Variants in SPIDR observed in about 807,000 individuals in gnomAD.
The protein encoded by SPIDR is scaffold protein involved in DNA repair.
SPIDR carries 93 observed loss-of-function variants against 104.6 expected under a neutral mutation model. That is an observed-to-expected ratio of 0.89 (90% CI 0.75 to 1.06). SPIDR has a LOEUF of 1.06. SPIDR is among the 50% of genes least tolerant of loss of function. The pLI is 0.00. For synonymous variants in SPIDR, 431 were observed against 416.9 expected (o/e 1.03, Z -0.41); for missense variants, 1,154 against 1,111.2 (o/e 1.04, Z -0.55).
At chr8:47,621,634 C>A (rs569365574) in intron 10 of SPIDR, among the ~76,000 whole-genome samples, 1 of 152,242 alleles carries the variant, frequency 6.6e-6, no homozygotes, top group South Asian at 2.1e-4. Flanking sequence ...GAATACAGGG[C>A]CCCCATAAAT....
At chr8:47,371,313 A>C (rs1014157330) in intron 5 of SPIDR, among the ~76,000 whole-genome samples, 1 of 152,182 alleles carries the variant, frequency 6.6e-6, no homozygotes, top group East Asian at 1.9e-4. Flanking sequence ...GAGCATGGAC[A>C]ACCTGGGCTC....
chr8:47,346,724 C>T (rs1243343429), intron 5 of SPIDR, among the ~76,000 whole-genome samples: 1 of 152,170 alleles, frequency 6.6e-6, no homozygotes, highest in East Asian at 1.9e-4. Context: ...CCCATTTCTT[C>T]TAGATTTTCT....
At chr8:47,635,466 T>C (rs940739417) in intron 10 of SPIDR, among the ~76,000 whole-genome samples, 2 of 152,238 alleles carry the variant, frequency 1.3e-5, no homozygotes, top group Admixed American at 6.5e-5. Flanking sequence ...TATCAAAATA[T>C]CTCTTGTACC....
intron 6 of SPIDR, among the ~76,000 whole-genome samples, chr8:47,398,665 C>G (rs2061507932): frequency 6.6e-6 from 1 of 152,134 alleles, no homozygotes; most frequent in East Asian, 1.9e-4. Flanking sequence ...GTCTGCAGTC[C>G]ACGGGCAGGC....
chr8:47,669,382 C>T (rs906050590), intron 10 of SPIDR, among the ~76,000 whole-genome samples: 8 of 152,166 alleles, frequency 5.3e-5, no homozygotes, highest in South Asian at 2.1e-4. Context: ...CCAATCCAGT[C>T]GAACCAGGGG....
intron 8 of SPIDR, among the ~76,000 whole-genome samples, chr8:47,589,306 G>A (rs756652509): frequency 4.0e-5 from 6 of 151,570 alleles, no homozygotes; most frequent in Non-Finnish European, 8.8e-5. Context: ...GGATCACTAG[G>A]TTAGGGGTTT....
At chr8:47,463,049 A>G (rs1272676954) in intron 8 of SPIDR, among the ~76,000 whole-genome samples, 1 of 152,148 alleles carries the variant, frequency 6.6e-6, no homozygotes, top group Non-Finnish European at 1.5e-5. Context: ...TGGTAAGGAT[A>G]TTAAATCGGT....
intron 19 of SPIDR, chr8:47,732,136 G>A: frequency 1.4e-6 from 1 of 702,606 alleles, no homozygotes; most frequent in East Asian, 2.7e-5. Context: ...TAGAGATCCA[G>A]AGACCAGGAA....
chr8:47,660,453 C>T (rs1195030413), intron 10 of SPIDR: 2 of 985,306 alleles, frequency 2.0e-6, no homozygotes, highest in East Asian at 1.1e-4. Context: ...AGGCCTCACC[C>T]TCATGGCTCA....
intron 8 of SPIDR, among the ~76,000 whole-genome samples, chr8:47,562,491 G>T: frequency 6.6e-6 from 1 of 152,016 alleles, no homozygotes; most frequent in East Asian, 1.9e-4. Flanking sequence ...CTGCACCCTC[G>T]GCCCCCATGG....
At position 47,329,195 on chromosome 8, in the gene SPIDR, C is replaced by T. The variant is rs568692204; in HGVS notation, c.525+35165C>T. On this transcript the variant is annotated intron_variant, in intron 5 of 19. Coordinates refer to ENST00000297423, the MANE Select transcript of SPIDR (RefSeq NM_001080394.4). ...ACGCCATTCTCCTGCCTCAGCCTCC[C>T]GAGTAGCTGGGACTACAGGCACCCG... is the stretch of plus-strand genomic sequence containing the variant. Among the ~76,000 whole-genome samples the T allele has an allele frequency of 2.6e-5, 4 of 151,884 alleles. No homozygotes were observed. The South Asian group carries it at 6.3e-4, about 24-fold the overall frequency.
intron 8 of SPIDR, among the ~76,000 whole-genome samples, chr8:47,593,397 CATTT>C (rs1023340336): frequency 6.6e-6 from 1 of 151,332 alleles, no homozygotes; most frequent in Non-Finnish European, 1.5e-5. Flanking sequence ...TATTTTTTTT[CATTT>C]GTCTCAAGTG....
chr8:47,701,859 C>CT lies in SPIDR; in HGVS notation c.1913dup (p.Gln639ProfsTer4). ...AGTTACCCGCTGCTTAAGAGACATT[C>CT]TCCAGGTAATGTCTTTGTTTCTAAC... On this transcript the variant is annotated frameshift_variant, in exon 13 of 20. Coordinates refer to ENST00000297423, the MANE Select transcript of SPIDR (RefSeq NM_001080394.4). LOFTEE classifies it high-confidence loss of function. 6.2e-7 allele frequency: 1 copy of CT among 1,614,112 alleles called. No homozygotes were observed. The highest frequency in any genetic ancestry group is 2.2e-5 in the East Asian group (1 of 44,882).
intron 5 of SPIDR, among the ~76,000 whole-genome samples, chr8:47,354,322 CTTT>C (rs1180286270): frequency 2.0e-5 from 3 of 148,424 alleles, no homozygotes; most frequent in African/African-American, 7.5e-5. Context: ...TCCTCAGTTT[CTTT>C]ATTTCGTTTG....
intron 5 of SPIDR, among the ~76,000 whole-genome samples, chr8:47,383,512 G>T (rs1430304677): frequency 6.6e-6 from 1 of 152,202 alleles, no homozygotes; most frequent in African/African-American, 2.4e-5. Context: ...CATTTCATCA[G>T]TGGAGTTGGA....
At chr8:47,641,501 T>C (rs907456462) in intron 10 of SPIDR, among the ~76,000 whole-genome samples, 1 of 152,250 alleles carries the variant, frequency 6.6e-6, no homozygotes, top group African/African-American at 2.4e-5. Context: ...CTACTATAGA[T>C]GAGACGTTTT....
At chr8:47,681,800 T>C (rs1401751639) in intron 11 of SPIDR, among the ~76,000 whole-genome samples, 3 of 152,178 alleles carry the variant, frequency 2.0e-5, no homozygotes, top group Non-Finnish European at 4.4e-5. Flanking sequence ...ATAAGAACAA[T>C]GAAGAAAATC....
chr8:47,498,525 A>G (rs1390276671), intron 8 of SPIDR, among the ~76,000 whole-genome samples: 1 of 152,186 alleles, frequency 6.6e-6, no homozygotes, highest in African/African-American at 2.4e-5. Flanking sequence ...AGTGTTTATG[A>G]CCTTCCCAGA....
intron 7 of SPIDR, among the ~76,000 whole-genome samples, chr8:47,416,986 A>G (rs1223888236): frequency 1.3e-5 from 2 of 152,194 alleles, no homozygotes; most frequent in South Asian, 2.1e-4. Context: ...ATAGTATTCC[A>G]TGGTGTATAT....
Sources: gnomAD v4.1 joint callset for allele counts (sites outside exome capture counted in the v4.1 genomes callset) on GRCh38, gnomAD v4.1.1 for gene constraint, MANE v1.5 for transcripts, NCBI Gene and HGNC (gene_info 2026-07-23, HGNC 2026-07-21) for gene names.